Variants in NT5DC1 observed in about 807,000 individuals in gnomAD.
NT5DC1 encodes 5'-nucleotidase domain containing 1.
A neutral mutation model predicts 59.4 loss-of-function variants in NT5DC1; 42 were observed. The ratio of observed to expected loss-of-function variants is 0.71; its 90% CI spans 0.55 to 0.92. NT5DC1 has a LOEUF of 0.92. Ranked by LOEUF, NT5DC1 falls within the 40% of genes least tolerant of loss-of-function variation. The pLI is 0.00. For missense variants in NT5DC1, 501 were observed against 537.1 expected, an observed-to-expected ratio of 0.93 and a Z score of 0.66; for synonymous variants, 172 against 188.1, an observed-to-expected ratio of 0.91 and a Z score of 0.70.
intron 6 of NT5DC1, among the ~76,000 whole-genome samples, chr6:116,146,682 G>A (rs766871997): frequency 1.6e-4 from 24 of 152,086 alleles, no homozygotes; most frequent in Non-Finnish European, 2.6e-4. Context: ...ACTTAAGTAT[G>A]CTATAAATCT....
At chr6:116,162,795 A>C (rs930115483) in intron 6 of NT5DC1, among the ~76,000 whole-genome samples, 1 of 152,094 alleles carries the variant, frequency 6.6e-6, no homozygotes, top group African/African-American at 2.4e-5. Context: ...TCATAGAATG[A>C]GTTTAGGAGG....
chr6:116,197,942 C>G (rs1251337197), intron 6 of NT5DC1, among the ~76,000 whole-genome samples: 1 of 152,062 alleles, frequency 6.6e-6, no homozygotes, highest in African/African-American at 2.4e-5. Flanking sequence ...ATAGGGCTGC[C>G]ACCAAAGCTC....
intron 6 of NT5DC1, chr6:116,158,678 T>A (rs895145470): frequency 3.9e-5 from 6 of 152,242 alleles, no homozygotes; most frequent in African/African-American, 1.4e-4. Context: ...CACTACTTTG[T>A]CATCCTGGTG....
At chr6:116,242,878 A>G (rs779953955) in intron 11 of NT5DC1, among the ~76,000 whole-genome samples, 1 of 152,118 alleles carries the variant, frequency 6.6e-6, no homozygotes, top group Non-Finnish European at 1.5e-5. Context: ...GCAGCCCTGC[A>G]AGACTGTCAA....
chr6:116,120,685 TGGGCCAG>T lies in NT5DC1; in HGVS notation c.529+2742_529+2748del. ...TGAGGCCCTTAGTTGCTATGCCAGC[TGGGCCAG>T]GAGGACCGGGACTTCCTGGATCCCC... On this transcript the variant is annotated intron_variant, in intron 6 of 11. Coordinates refer to ENST00000319550, the MANE Select transcript of NT5DC1 (RefSeq NM_152729.3). 15 of 1,547,814 alleles carry T rather than the reference TGGGCCAG, an allele frequency of 9.7e-6. No homozygotes were observed. The highest frequency in any genetic ancestry group is 1.2e-5 in the Non-Finnish European group (14 of 1,154,446).
chr6:116,131,402 T>C (rs1371021329), intron 6 of NT5DC1, among the ~76,000 whole-genome samples: 2 of 152,204 alleles, frequency 1.3e-5, no homozygotes, highest in African/African-American at 4.8e-5. Flanking sequence ...AAATGTATTA[T>C]TCATTTATAT....
intron 5 of NT5DC1, among the ~76,000 whole-genome samples, chr6:116,116,326 C>A (rs1052229799): frequency 6.6e-6 from 1 of 152,034 alleles, no homozygotes; most frequent in Non-Finnish European, 1.5e-5. Context: ...GAATCACTTT[C>A]CTTTATGCAT....
chr6:116,162,429 T>C (rs1315046534), intron 6 of NT5DC1, among the ~76,000 whole-genome samples: 1 of 152,218 alleles, frequency 6.6e-6, no homozygotes, highest in Non-Finnish European at 1.5e-5. Flanking sequence ...ATATGGTTCT[T>C]AGTATTTTCA....
At chr6:116,110,643 A>C (rs914091536) in intron 3 of NT5DC1, 8 of 648,672 alleles carry the variant, frequency 1.2e-5, no homozygotes, top group Non-Finnish European at 2.2e-5. Context: ...ATCACCTGCT[A>C]CTTGATGGAT....
chr6:116,244,887 A>C lies in NT5DC1; in HGVS notation c.*863A>C, dbSNP rs1029184947. The C allele has an allele frequency of 1.3e-5, 2 of 152,204 alleles. No individual in the cohort carries two copies. Among genetic ancestry groups the C allele is most frequent in the Non-Finnish European group, 2.9e-5 (2 of 68,028 alleles). The allele number at this position is 152,204 out of a possible 1,614,324, so 9.4% of individuals were successfully genotyped here. A position where few individuals can be genotyped will look rare whatever the true frequency, so the allele number is the denominator to read the frequency against. ...TTAATTTATTTAATCAACTTTAAGC[A>C]TTACATTCTCAATTGGGGACAAAAA... On this transcript the variant is annotated 3_prime_UTR_variant, in exon 12 of 12. Transcript: ENST00000319550.
At chr6:116,110,740 CAT>C (rs1221057378) in intron 3 of NT5DC1, 108 bp from the exon 4 acceptor site, 5 of 831,654 alleles carry the variant, frequency 6.0e-6, no homozygotes, top group African/African-American at 5.0e-5. Context: ...AGAAAAAATA[CAT>C]ATGTTTTTGT....
At chr6:116,200,182 C>G (rs1200434259) in intron 6 of NT5DC1, among the ~76,000 whole-genome samples, 1 of 151,962 alleles carries the variant, frequency 6.6e-6, no homozygotes, top group African/African-American at 2.4e-5. Flanking sequence ...AAAAGTCAGA[C>G]AAATCCCAAT....
At chr6:116,164,370 TTTAAAGTCTATTTTATC>T (rs1023907858) in intron 6 of NT5DC1, among the ~76,000 whole-genome samples, 1 of 152,182 alleles carries the variant, frequency 6.6e-6, no homozygotes, top group African/African-American at 2.4e-5. Context: ...CTCTTGTTGG[TTTAAAGTCTATTTTATC>T]TGACATAAGA....
At chr6:116,213,011 A>G (rs1289238093) in intron 6 of NT5DC1, among the ~76,000 whole-genome samples, 1 of 152,142 alleles carries the variant, frequency 6.6e-6, no homozygotes, top group African/African-American at 2.4e-5. Flanking sequence ...ATCTGTTTCT[A>G]AAAGGATTTG....
At chr6:116,217,711 C>G (rs1174136296) in intron 6 of NT5DC1, among the ~76,000 whole-genome samples, 1 of 152,004 alleles carries the variant, frequency 6.6e-6, no homozygotes, top group Non-Finnish European at 1.5e-5. Flanking sequence ...TGTGTCTGCT[C>G]CTGCACTAAT....
intron 6 of NT5DC1, among the ~76,000 whole-genome samples, chr6:116,198,533 T>C (rs533058276): frequency 3.3e-4 from 50 of 151,918 alleles, no homozygotes; most frequent in Non-Finnish European, 4.4e-5. Context: ...AGTTCAAGAC[T>C]AGCCTGGACA....
At chr6:116,124,592 T>G (rs1005180281) in intron 6 of NT5DC1, among the ~76,000 whole-genome samples, 5 of 152,118 alleles carry the variant, frequency 3.3e-5, no homozygotes, top group African/African-American at 1.2e-4. Context: ...GTAGAAGTAA[T>G]AGCAACACTT....
At chr6:116,125,155 C>T (rs1256011376) in intron 6 of NT5DC1, among the ~76,000 whole-genome samples, 2 of 152,158 alleles carry the variant, frequency 1.3e-5, no homozygotes, top group African/African-American at 4.8e-5. Flanking sequence ...TATATCCTTT[C>T]TACTACACTT....
At chr6:116,212,119 AT>A (rs1781592093) in intron 6 of NT5DC1, among the ~76,000 whole-genome samples, 2 of 152,074 alleles carry the variant, frequency 1.3e-5, no homozygotes, top group Non-Finnish European at 2.9e-5. Flanking sequence ...TCTTTTTCAA[AT>A]TTTTTATTAA....
Sources: allele counts gnomAD v4.1 joint callset (sites outside exome capture counted in the v4.1 genomes callset), GRCh38; gene constraint gnomAD v4.1.1; transcripts MANE v1.5; gene names NCBI Gene and HGNC (gene_info 2026-07-23, HGNC 2026-07-21).